The following ANKRD36 variants were observed in gnomAD, a reference collection of about 807,000 sequenced individuals.
The protein encoded by ANKRD36 is ankyrin repeat domain-containing protein 36A.
A neutral mutation model predicts 278.1 loss-of-function variants in ANKRD36; 179 were observed. The observed-to-expected ratio is 0.64, with a 90% CI of 0.57 to 0.73. The LOEUF is 0.73. ANKRD36 is among the 30% of genes least tolerant of loss of function. The pLI is 0.00. For missense variants in ANKRD36, 1,159 were observed against 1,956.7 expected (o/e 0.59, Z 7.69); for synonymous variants, 320 against 641.1 (o/e 0.50, Z 7.57).
Position 97,224,697 on chromosome 2 carries a change from G to T in ANKRD36, c.3878-109G>T, listed in dbSNP as rs1197633627. 5 of 768,502 alleles carry T rather than the reference G, an allele frequency of 6.5e-6. No individual in the cohort carries two copies. In the African/African-American group the frequency reaches 9.6e-5, roughly 15 times the overall value. The allele number at this position is 768,502 out of a possible 1,614,324, so 47.6% of individuals were successfully genotyped here. A position where few individuals can be genotyped will look rare whatever the true frequency, so the allele number is the denominator to read the frequency against. The stretch of plus-strand genomic sequence containing the variant: ...GATCTCCTGACCTCGTGATCCACCT[G>T]CCTCGGCCTCCCAAAGTGCTGGGAT... On this transcript the variant is annotated intron_variant, in intron 66 of 75. Coordinates refer to ENST00000420699, the MANE Select transcript of ANKRD36 (RefSeq NM_001354587.1).
At chr2:97,179,434 T>C (rs2055452992) in intron 22 of ANKRD36, among the ~76,000 whole-genome samples, 2 of 151,646 alleles carry the variant, frequency 1.3e-5, no homozygotes, top group Admixed American at 6.6e-5. Context: ...TAGATCACAT[T>C]TGTCCTCATC....
At position 97,208,717 on chromosome 2, in the gene ANKRD36, G is replaced by C. The variant is rs560572874; in HGVS notation, c.3265+711G>C. Among the ~76,000 whole-genome samples the C allele has an allele frequency of 3.2e-4, 47 of 146,682 alleles. 4 individuals are homozygous for C. The highest frequency in any genetic ancestry group is 5.4e-4 in the Admixed American group (8 of 14,832). On this transcript the variant is annotated intron_variant, in intron 54 of 75. Transcript: ENST00000420699. Reference sequence around the variant, plus strand: ...TTTTGTTGATTTTAGTTATAAAAATGAGATAATCTTGAATGTGAATAAATT... The same window carrying C: ...TTTTGTTGATTTTAGTTATAAAAATCAGATAATCTTGAATGTGAATAAATT...
intron 32 of ANKRD36, among the ~76,000 whole-genome samples, chr2:97,188,543 C>G (rs1425141150): frequency 6.8e-6 from 1 of 146,130 alleles, no homozygotes; most frequent in African/African-American, 2.4e-5. Context: ...TAGGTATCAG[C>G]AAACAGATAT....
chr2:97,210,759 T>A (rs1357670644), intron 56 of ANKRD36, among the ~76,000 whole-genome samples: 1 of 151,878 alleles, frequency 6.6e-6, no homozygotes, highest in African/African-American at 2.4e-5. Context: ...TTTCAATGAA[T>A]ATTGCAGTGA....
chr2:97,213,986 A>AC (rs2065319563), intron 60 of ANKRD36, among the ~76,000 whole-genome samples: 1 of 151,742 alleles, frequency 6.6e-6, no homozygotes, highest in South Asian at 2.1e-4. Context: ...TATAAAAAAG[A>AC]CAGAATAGTG....
intron 56 of ANKRD36, among the ~76,000 whole-genome samples, chr2:97,210,523 C>G (rs2064166231): frequency 6.6e-6 from 1 of 151,796 alleles, no homozygotes. Flanking sequence ...ACTCATTACT[C>G]CTCTTTGTTA....
chr2:97,173,836 A>C (rs1290964550), intron 22 of ANKRD36, among the ~76,000 whole-genome samples: 2 of 151,580 alleles, frequency 1.3e-5, no homozygotes, highest in Admixed American at 1.3e-4. Context: ...TTTGCACATC[A>C]GTGATACATG....
intron 22 of ANKRD36, among the ~76,000 whole-genome samples, chr2:97,178,615 G>C (rs2055109285): frequency 6.7e-6 from 1 of 148,372 alleles, no homozygotes; most frequent in Non-Finnish European, 1.5e-5. Flanking sequence ...ACTCATAGGT[G>C]GGAATTGAAC....
chr2:97,248,645 A>G (rs1254774616), intron 72 of ANKRD36: 1 of 130,658 alleles, frequency 7.7e-6, no homozygotes, highest in Non-Finnish European at 1.5e-5. Context: ...ATGCATACAT[A>G]CAAAAAATAA....
At chr2:97,228,829 A>T (rs1243634876) in intron 67 of ANKRD36, among the ~76,000 whole-genome samples, 1 of 151,808 alleles carries the variant, frequency 6.6e-6, no homozygotes, top group Non-Finnish European at 1.5e-5. Flanking sequence ...AGATTCTGGT[A>T]TGTTGTGTCT....
At chr2:97,126,714 A>G (rs1215588708) in intron 5 of ANKRD36, among the ~76,000 whole-genome samples, 3 of 151,892 alleles carry the variant, frequency 2.0e-5, no homozygotes, top group Non-Finnish European at 4.4e-5. Flanking sequence ...GAAAGAAGAT[A>G]GTAAAATCTA....
intron 66 of ANKRD36, among the ~76,000 whole-genome samples, chr2:97,222,802 ATTAG>A (rs1221467584): frequency 6.6e-6 from 1 of 152,106 alleles, no homozygotes; most frequent in Non-Finnish European, 1.5e-5. Flanking sequence ...AAGTGTTGAT[ATTAG>A]TTAATCAAAT....
At chr2:97,207,443 CAT>C (rs2063171451) in intron 52 of ANKRD36, among the ~76,000 whole-genome samples, 1 of 151,116 alleles carries the variant, frequency 6.6e-6, no homozygotes, top group Non-Finnish European at 1.5e-5. Flanking sequence ...GCATGAAAGA[CAT>C]GTGGGATCAT....
At chr2:97,220,716 A>C (rs1189308186) in intron 66 of ANKRD36, among the ~76,000 whole-genome samples, 2 of 73,300 alleles carry the variant, frequency 2.7e-5, no homozygotes, top group Non-Finnish European at 6.0e-5. Flanking sequence ...CTTTTATAAT[A>C]CTGATTTTCT....
chr2:97,209,019 G>A (rs1400144640), intron 54 of ANKRD36, among the ~76,000 whole-genome samples: 1 of 146,604 alleles, frequency 6.8e-6, no homozygotes, highest in Admixed American at 6.7e-5. Context: ...TTATCCTTTG[G>A]TGCCAAGAGT....
chr2:97,227,720 C>T (rs2070366522), intron 67 of ANKRD36, among the ~76,000 whole-genome samples: 1 of 152,126 alleles, frequency 6.6e-6, no homozygotes, highest in Non-Finnish European at 1.5e-5. Context: ...TGCCAGTTTT[C>T]AAAGGGAATG....
At chr2:97,123,200 GTCTC>G (rs1251547863) in intron 4 of ANKRD36, among the ~76,000 whole-genome samples, 2 of 151,402 alleles carry the variant, frequency 1.3e-5, no homozygotes, top group Middle Eastern at 3.2e-3. Context: ...AGCAGGATTC[GTCTC>G]TCTCTATAGA....
chr2:97,155,498 A>G (rs2047225388), intron 15 of ANKRD36, among the ~76,000 whole-genome samples: 1 of 146,528 alleles, frequency 6.8e-6, no homozygotes, highest in Non-Finnish European at 1.5e-5. Context: ...GATCTACAGT[A>G]GAGAGGGTTT....
At chr2:97,127,684 T>G (rs1241217126) in intron 6 of ANKRD36, among the ~76,000 whole-genome samples, 1 of 152,018 alleles carries the variant, frequency 6.6e-6, no homozygotes, top group East Asian at 1.9e-4. Flanking sequence ...TGTAGTTTCC[T>G]TGTAGTTCGA....
Sources: allele counts gnomAD v4.1 joint callset (sites outside exome capture counted in the v4.1 genomes callset), GRCh38; gene constraint gnomAD v4.1.1; transcripts MANE v1.5; gene names NCBI Gene and HGNC (gene_info 2026-07-23, HGNC 2026-07-21).